The following EDC4 variants were observed in gnomAD, a reference collection of about 807,000 sequenced individuals.
EDC4 encodes the protein enhancer of mRNA-decapping protein 4.
EDC4 carries 64 observed loss-of-function variants against 155.8 expected under a neutral mutation model. The ratio of observed to expected loss-of-function variants is 0.41; its 90% CI spans 0.34 to 0.51. The LOEUF is 0.51. Among genes scored for constraint, EDC4 ranks in the 20% least tolerant of loss-of-function variants. The probability of loss-of-function intolerance (pLI) is 0.19; values close to 1 mark genes in which losing one functional copy is unlikely to be tolerated. For missense variants in EDC4, 1,303 were observed against 1,812.5 expected, an observed-to-expected ratio of 0.72 and a Z score of 5.10; for synonymous variants, 684 against 716.8, an observed-to-expected ratio of 0.95 and a Z score of 0.73.
rs373351409 is a variant in EDC4, at chr16:67,881,883, C to T, written c.3004+38C>T. 146 of 1,605,394 alleles carry T rather than the reference C, an allele frequency of 9.1e-5. 1 individual carries two copies. Among genetic ancestry groups the T allele is most frequent in the Admixed American group, 5.0e-4 (30 of 59,774 alleles). ...CTGGTAGCACAACATGGCATAGGGACGGGGGCAGCATTCTTGGCCTGGGAA... is the reference window on the plus strand; with the variant it reads ...CTGGTAGCACAACATGGCATAGGGATGGGGGCAGCATTCTTGGCCTGGGAA... On this transcript the variant is annotated intron_variant, in intron 22 of 28. Coordinates refer to ENST00000358933, the MANE Select transcript of EDC4 (RefSeq NM_014329.5). This position sits in a 1 kb window ranked among gnomAD's most constrained non-coding sequence, Gnocchi z 5.4.
Position 67,878,096 on chromosome 16 carries a change from C to T in EDC4, c.895-70C>T. ...AGTCCCACCGTGAGTCAGCCCAGCT[C>T]ATTGCCATCCTCACTTGGGAGGGGC... On this transcript the variant is annotated intron_variant, in intron 7 of 28. Coordinates refer to ENST00000358933, the MANE Select transcript of EDC4 (RefSeq NM_014329.5). This position sits in a 1 kb window ranked among gnomAD's most constrained non-coding sequence, Gnocchi z 5.2. 6.2e-7 allele frequency: 1 copy of T among 1,600,216 alleles called. No homozygotes were observed. The highest frequency in any genetic ancestry group is 8.5e-7 in the Non-Finnish European group (1 of 1,172,432).
At position 67,881,722 on chromosome 16, in the gene EDC4, C is replaced by T. The variant is rs1473286824; in HGVS notation, c.2881C>T (p.Leu961=). The T allele has an allele frequency of 6.2e-7, 1 of 1,613,954 alleles. No homozygotes were observed. Among genetic ancestry groups the T allele is most frequent in the Non-Finnish European group, 8.5e-7 (1 of 1,180,000 alleles). ...PALIWQQQRE[L]AELRHSQEEL... is the part of the protein sequence containing the mutation. ...ACTAATTTGGCAACAGCAGAGAGAG[C>T]TGGCAGAGCTGCGGCACAGCCAGGA... The change falls in exon 22 of 29, where the codon CTG becomes TTG. Residue 961 remains leucine (L), a synonymous_variant. Coordinates refer to ENST00000358933, the MANE Select transcript of EDC4 (RefSeq NM_014329.5). The surrounding 1 kb of genome is among the most constrained non-coding windows in gnomAD (Gnocchi z 5.4).
intron 1 of EDC4, 161 bp from the exon 2 acceptor site, chr16:67,875,784 T>A (rs1229226971): frequency 1.1e-5 from 16 of 1,449,310 alleles, no homozygotes; most frequent in Non-Finnish European, 1.3e-5. Context: ...CATCAGTGTT[T>A]ATGGAACGAG....
At chr16:67,873,471 G>A in intron 1 of EDC4, 128 bp downstream of exon 1, 1 of 732,846 alleles carries the variant, frequency 1.4e-6, no homozygotes, top group Non-Finnish European at 2.0e-6. Flanking sequence ...AAGGGTGGAC[G>A]GGGATTGACT....
In EDC4 at chr16:67,879,174, A is replaced by G; in HGVS notation, c.1468+37A>G. 3 of 1,614,122 alleles carry G rather than the reference A, an allele frequency of 1.9e-6. No individual in the cohort carries two copies. Among genetic ancestry groups the G allele is most frequent in the Non-Finnish European group, 2.5e-6 (3 of 1,179,994 alleles). ...CAGGGTCAGAGCTATGTGTCCATAT[A>G]TCTAGGGGGTTGTGGAGGCACAGAG... is the stretch of plus-strand genomic sequence containing the variant. On this transcript the variant is annotated intron_variant, in intron 12 of 28. Transcript: ENST00000358933. The surrounding 1 kb of genome is among the most constrained non-coding windows in gnomAD (Gnocchi z 6.0).
In EDC4 at chr16:67,877,918, A is replaced by G; in HGVS notation, c.894+73A>G. On this transcript the variant is annotated intron_variant, in intron 7 of 28. Transcript: ENST00000358933. This position sits in a 1 kb window ranked among gnomAD's most constrained non-coding sequence, Gnocchi z 4.9. ...TCCATCTTCTGTTCCCTATATCCAC[A>G]GCTGCCCGGGCAGCTTTACTAGCAT... The G allele has an allele frequency of 6.3e-7, 1 of 1,584,238 alleles. No individual in the cohort carries two copies. Among genetic ancestry groups the G allele is most frequent in the Non-Finnish European group, 8.6e-7 (1 of 1,163,594 alleles).
In EDC4 at chr16:67,880,646, C is replaced by T; in HGVS notation, c.2187C>T (p.Ser729=). 1 of 1,614,210 alleles carries T rather than the reference C, an allele frequency of 6.2e-7. No individual in the cohort carries two copies. The highest frequency in any genetic ancestry group is 2.2e-5 in the East Asian group (1 of 44,872). ...AAGCCTCCCCTAGCCGCACTCGTTC[C>T]CCTGATGTCATCTCCTCAGCTTCCA... ...LPQASPSRTR[S]PDVISSASTA... Residue 729 remains serine, a synonymous_variant, in exon 18 of 29, where the codon TCC becomes TCT. Coordinates refer to ENST00000358933, the MANE Select transcript of EDC4 (RefSeq NM_014329.5). This position sits in a 1 kb window ranked among gnomAD's most constrained non-coding sequence, Gnocchi z 5.2.
In EDC4 at chr16:67,880,661, C is replaced by T. The variant is rs750577967; in HGVS notation, c.2202C>T (p.Ser734=). 1 of 1,614,230 alleles carries T rather than the reference C, an allele frequency of 6.2e-7. No individual in the cohort carries two copies. The highest frequency in any genetic ancestry group is 1.1e-5 in the South Asian group (1 of 91,090). ...PSRTRSPDVI[S]SASTALSQDI... ...GCACTCGTTCCCCTGATGTCATCTCCTCAGCTTCCACTGCCCTGTCCCAGG... is the reference window on the plus strand; with the variant it reads ...GCACTCGTTCCCCTGATGTCATCTCTTCAGCTTCCACTGCCCTGTCCCAGG... The change falls in exon 18 of 29, where the codon TCC becomes TCT. Residue 734 remains serine (S), a synonymous_variant. Transcript: ENST00000358933. The surrounding 1 kb of genome is among the most constrained non-coding windows in gnomAD (Gnocchi z 5.2).
At position 67,883,725 on chromosome 16, in the gene EDC4, A is replaced by G. The variant is rs1385386046; in HGVS notation, c.4007A>G (p.Lys1336Arg). ...ASDLGTRTDLKLSYLEEAVMH... is the reference protein window; with the variant it reads ...ASDLGTRTDLRLSYLEEAVMH... Reference sequence around the variant, plus strand: ...GACCTTGGCACTCGAACTGACCTCAAGCTCAGGTAAGTGGGGACAGCCAGG... The same window carrying G: ...GACCTTGGCACTCGAACTGACCTCAGGCTCAGGTAAGTGGGGACAGCCAGG... Residue 1336 changes from lysine to arginine, a missense_variant, in exon 28 of 29, where the codon AAG becomes AGG. Around this residue, in one of 5 missense-constraint regions of EDC4, gnomAD observed 527 missense variants for 757.0 expected, o/e 0.70. Transcript: ENST00000358933. This position sits in a 1 kb window ranked among gnomAD's most constrained non-coding sequence, Gnocchi z 5.3. The G allele has an allele frequency of 6.2e-7, 1 of 1,613,930 alleles. No individual in the cohort carries two copies. Among genetic ancestry groups the G allele is most frequent in the Non-Finnish European group, 8.5e-7 (1 of 1,179,996 alleles).
Position 67,881,566 on chromosome 16 carries a change from ACTTCACCC to A in EDC4, c.2826+34_2826+41del, listed in dbSNP as rs781690484. 66 of 1,613,626 alleles carry A rather than the reference ACTTCACCC, an allele frequency of 4.1e-5. 1 individual carries two copies. In the East Asian group the frequency reaches 9.4e-4, roughly 23 times the overall value. ...AATGAGCCCACTTTGTACTTGTGGA[ACTTCACCC>A]TGGGCGGGTGGAGAAGGGCTCTGGG... On this transcript the variant is annotated intron_variant, in intron 21 of 28. Transcript: ENST00000358933. The surrounding 1 kb of genome is among the most constrained non-coding windows in gnomAD (Gnocchi z 5.4).
At position 67,873,068 on chromosome 16, in the gene EDC4, T is replaced by G. The variant is rs573708079; in HGVS notation, c.-194T>G. The G allele has an allele frequency of 6.9e-6, 3 of 433,894 alleles. No homozygotes were observed. The highest frequency in any genetic ancestry group is 1.2e-5 in the Non-Finnish European group (3 of 248,394). The allele number at this position is 433,894 out of a possible 1,614,324, so 26.9% of individuals were successfully genotyped here. Reference sequence around the variant, plus strand: ...GGTTCCGGGAGCCTCGGCTCGTGGGTGCCGGAAGTGGAGGCGGTTGGTGGG... The same window carrying G: ...GGTTCCGGGAGCCTCGGCTCGTGGGGGCCGGAAGTGGAGGCGGTTGGTGGG... On this transcript the variant is annotated 5_prime_UTR_variant, in exon 1 of 29. Transcript: ENST00000358933.
chr16:67,878,482 C>T lies in EDC4; in HGVS notation c.1088+39C>T, dbSNP rs1382787380. 3.7e-6 allele frequency: 6 copies of T among 1,614,078 alleles called. No homozygotes were observed. Among genetic ancestry groups the T allele is most frequent in the Non-Finnish European group, 5.1e-6 (6 of 1,180,044 alleles). On this transcript the variant is annotated intron_variant, in intron 9 of 28. Coordinates refer to ENST00000358933, the MANE Select transcript of EDC4 (RefSeq NM_014329.5). This position sits in a 1 kb window ranked among gnomAD's most constrained non-coding sequence, Gnocchi z 5.2. ...CAGCCTAGTGGGTGGTGGGCTGGAC[C>T]ATGGCTCCCAGCAGGGGCCCCAGCC...
intron 1 of EDC4, among the ~76,000 whole-genome samples, chr16:67,875,095 C>G (rs1006793145): frequency 1.3e-5 from 2 of 152,166 alleles, no homozygotes; most frequent in Admixed American, 6.6e-5. Context: ...AATGTGGAGC[C>G]CTAGGCTCCT....
At position 67,884,424 on chromosome 16, in the gene EDC4, C is replaced by T. The variant is rs2058084449; in HGVS notation, c.*276C>T. On this transcript the variant is annotated 3_prime_UTR_variant, in exon 29 of 29. Transcript: ENST00000358933. This position sits in a 1 kb window ranked among gnomAD's most constrained non-coding sequence, Gnocchi z 4.1. Reference sequence around the variant, plus strand: ...CCACTTGAGTGGAATTTTCCATGTTCCTTTTTACCTCTAATTTGGATCTTT... The same window carrying T: ...CCACTTGAGTGGAATTTTCCATGTTTCTTTTTACCTCTAATTTGGATCTTT... 1.9e-6 allele frequency: 1 copy of T among 538,008 alleles called. No individual in the cohort carries two copies. Among genetic ancestry groups the T allele is most frequent in the Non-Finnish European group, 3.3e-6 (1 of 306,198 alleles). The allele number at this position is 538,008 out of a possible 1,614,324, so 33.3% of individuals were successfully genotyped here.
At position 67,881,959 on chromosome 16, in the gene EDC4, C is replaced by T. The variant is rs200619268; in HGVS notation, c.3010C>T (p.Arg1004Trp). Residue 1004 changes from arginine to tryptophan, a missense_variant, in exon 23 of 29, where the codon CGG becomes TGG. Arg to Trp is a moderately radical substitution (Grantham distance 101). This residue lies in a region of EDC4 where 527 missense variants were observed against 757.0 expected (regional missense o/e 0.70). Coordinates refer to ENST00000358933, the MANE Select transcript of EDC4 (RefSeq NM_014329.5). This position sits in a 1 kb window ranked among gnomAD's most constrained non-coding sequence, Gnocchi z 5.4. ...LETRHEQEQR[R>W]LERALAEGQQ... ...GTTCCTTAGCTATGGCGCAGAGCGG[C>T]GGCTGGAGCGAGCACTGGCTGAGGG... The T allele has an allele frequency of 8.1e-6, 13 of 1,606,454 alleles. No individual in the cohort carries two copies. Among genetic ancestry groups the T allele is most frequent in the African/African-American group, 1.3e-5 (1 of 74,752 alleles).
Position 67,882,000 on chromosome 16 carries a change from G to A in EDC4, c.3051G>A (p.Gly1017=). 6.2e-7 allele frequency: 1 copy of A among 1,611,008 alleles called. No individual in the cohort carries two copies. Among genetic ancestry groups the A allele is most frequent in the Non-Finnish European group, 8.5e-7 (1 of 1,178,938 alleles). Residue 1017 remains glycine (G), a synonymous_variant, in exon 23 of 29, where the codon GGG becomes GGA. Transcript: ENST00000358933. This position sits in a 1 kb window ranked among gnomAD's most constrained non-coding sequence, Gnocchi z 5.4. ...RALAEGQQRG[G]QLQEQLTQQL... The stretch of plus-strand genomic sequence containing the variant: ...TGGCTGAGGGGCAGCAGCGGGGAGG[G>A]CAGCTGCAGGAGCAGCTGACACAAC...
chr16:67,876,194 CCT>C lies in EDC4; in HGVS notation c.239+96_239+97del. On this transcript the variant is annotated intron_variant, in intron 2 of 28. Coordinates refer to ENST00000358933, the MANE Select transcript of EDC4 (RefSeq NM_014329.5). This position sits in a 1 kb window ranked among gnomAD's most constrained non-coding sequence, Gnocchi z 5.8. ...GATGGGGAGTGAGCGGGGCCAGCAG[CCT>C]CTGCTGCTTCCTCTCTAGATGACCT... is the stretch of plus-strand genomic sequence containing the variant. 1 of 1,367,340 alleles carries C rather than the reference CCT, an allele frequency of 7.3e-7. No individual in the cohort carries two copies. Among genetic ancestry groups the C allele is most frequent in the Non-Finnish European group, 1.0e-6 (1 of 978,426 alleles). 84.7% of individuals were successfully genotyped at this position (1,367,340 alleles called of 1,614,324 possible).
intron 1 of EDC4, among the ~76,000 whole-genome samples, chr16:67,874,571 T>C (rs2058034464): frequency 6.6e-6 from 1 of 152,168 alleles, no homozygotes; most frequent in Admixed American, 6.5e-5. Context: ...TGGCCAACCA[T>C]GTACAGCCTG....
rs1393292088 is a variant in EDC4, at chr16:67,881,191, C to G, written c.2636+11C>G. The stretch of plus-strand genomic sequence containing the variant: ...CAGTGCTGAGCAAAGGTGGGAGCCA[C>G]TCTACACCATTGCCCTCATGGGGGG... On this transcript the variant is annotated intron_variant, in intron 19 of 28. Transcript: ENST00000358933. The surrounding 1 kb of genome is among the most constrained non-coding windows in gnomAD (Gnocchi z 5.4). The G allele has an allele frequency of 4.3e-6, 7 of 1,614,102 alleles. No individual in the cohort carries two copies. The highest frequency in any genetic ancestry group is 5.1e-6 in the Non-Finnish European group (6 of 1,180,008).
Sources: allele counts gnomAD v4.1 joint callset (sites outside exome capture counted in the v4.1 genomes callset), GRCh38; gene constraint gnomAD v4.1.1; regional missense constraint gnomAD v4.1.1; non-coding constraint Gnocchi (gnomAD v3.1); transcripts MANE v1.5; gene names NCBI Gene and HGNC (gene_info 2026-07-23, HGNC 2026-07-21).